DOCK3: variants seen among roughly 807,000 people sequenced by gnomAD.
DOCK3 encodes the protein dedicator of cytokinesis 3.
A neutral mutation model predicts 265.6 loss-of-function variants in DOCK3; 60 were observed. That is an observed-to-expected ratio of 0.23 (90% CI 0.18 to 0.28). The LOEUF (loss-of-function observed/expected upper bound fraction) is 0.28, where lower values mean the gene tolerates loss of function less well. Ranked by LOEUF, DOCK3 falls within the 10% of genes least tolerant of loss-of-function variation. The pLI is 1.00. For synonymous variants in DOCK3, 881 were observed against 938.0 expected (o/e 0.94, Z 1.11); for missense variants, 1,981 against 2,594.3 (o/e 0.76, Z 5.14).
At chr3:51,287,786 A>G (rs1474873761) in intron 27 of DOCK3, among the ~76,000 whole-genome samples, 3 of 152,216 alleles carry the variant, frequency 2.0e-5, no homozygotes, top group Non-Finnish European at 4.4e-5. Flanking sequence ...TGCTGGATAT[A>G]TAACCAAAGG....
In DOCK3 at chr3:51,016,079, CATATATTTCTACATATGATAT is replaced by C. The variant is rs2079199514; in HGVS notation, c.316-48364_316-48344del. Among the ~76,000 whole-genome samples the C allele has an allele frequency of 1.5e-4, 2 of 13,250 alleles. 1 individual carries two copies. The highest frequency in any genetic ancestry group is 5.3e-3 in the East Asian group (2 of 380). 8.7% of individuals were successfully genotyped at this position (13,250 alleles called of 152,430 possible). A position where few individuals can be genotyped will look rare whatever the true frequency, so the allele number is the denominator to read the frequency against. Reference sequence around the variant, plus strand: ...TCATATATTTCTACATAATATATATCATATATTTCTACATATGATATATATCATATATTTCTACATATGATA... The same window carrying C: ...TCATATATTTCTACATAATATATATCATATCATATATTTCTACATATGATA... On this transcript the variant is annotated intron_variant, in intron 5 of 52. Coordinates refer to ENST00000266037, the MANE Select transcript of DOCK3 (RefSeq NM_004947.5).
chr3:51,343,257 C>T (rs2085353790), intron 38 of DOCK3, among the ~76,000 whole-genome samples: 1 of 152,170 alleles, frequency 6.6e-6, no homozygotes, highest in African/African-American at 2.4e-5. Context: ...GCCAGCACAC[C>T]CTGCCTCACA....
intron 1 of DOCK3, among the ~76,000 whole-genome samples, chr3:50,681,427 T>C (rs1480885887): frequency 2.0e-5 from 3 of 152,246 alleles, no homozygotes; most frequent in African/African-American, 2.4e-5. Context: ...GTAAGCATTA[T>C]TGGGTATGCT....
chr3:51,238,650 C>T (rs960681297), intron 21 of DOCK3, among the ~76,000 whole-genome samples: 2 of 152,080 alleles, frequency 1.3e-5, no homozygotes, highest in Non-Finnish European at 2.9e-5. Context: ...TTTTGTTCCC[C>T]TCTATGTGTC....
intron 16 of DOCK3, 47 bp downstream of exon 16, chr3:51,227,492 T>C (rs1196049454): frequency 6.2e-7 from 1 of 1,608,456 alleles, no homozygotes; most frequent in African/African-American, 1.3e-5. Flanking sequence ...AATATAAATA[T>C]AACTCTCTCC....
chr3:50,757,621 A>T (rs2040243327), intron 1 of DOCK3, among the ~76,000 whole-genome samples: 1 of 151,476 alleles, frequency 6.6e-6, no homozygotes, highest in Non-Finnish European at 1.5e-5. Context: ...AAAGTTTTAA[A>T]TTTTGATGAA....
chr3:51,036,530 A>G (rs770386213), intron 5 of DOCK3, among the ~76,000 whole-genome samples: 1 of 152,152 alleles, frequency 6.6e-6, no homozygotes, highest in African/African-American at 2.4e-5. Context: ...TCATGGTCAT[A>G]TATCTAAAAT....
chr3:51,004,708 A>T (rs1216959803), intron 5 of DOCK3, among the ~76,000 whole-genome samples: 6 of 118,792 alleles, frequency 5.1e-5, no homozygotes, highest in African/African-American at 9.1e-5. Flanking sequence ...TTGAGAAGAG[A>T]TTTAAGTTTT....
intron 1 of DOCK3, among the ~76,000 whole-genome samples, chr3:50,717,089 T>A (rs1336265222): frequency 1.3e-5 from 2 of 152,238 alleles, no homozygotes; most frequent in Non-Finnish European, 2.9e-5. Flanking sequence ...GTCCTTATTT[T>A]AAAAATCTGA....
intron 24 of DOCK3, among the ~76,000 whole-genome samples, chr3:51,271,768 T>C (rs1576611778): frequency 6.7e-6 from 1 of 149,552 alleles, no homozygotes; most frequent in East Asian, 2.0e-4. Context: ...GGAGAATTGC[T>C]CGAACCCAGG....
chr3:51,349,934 G>A (rs1463703565), intron 39 of DOCK3, among the ~76,000 whole-genome samples: 2 of 152,176 alleles, frequency 1.3e-5, no homozygotes, highest in Non-Finnish European at 2.9e-5. Flanking sequence ...GTCAAAACCA[G>A]AAATCCCCAG....
chr3:50,682,103 G>C (rs553117490), intron 1 of DOCK3, among the ~76,000 whole-genome samples: 20 of 152,256 alleles, frequency 1.3e-4, no homozygotes, highest in Admixed American at 4.6e-4. Context: ...ATAAACTTTA[G>C]AACTCTAAGA....
intron 5 of DOCK3, among the ~76,000 whole-genome samples, chr3:50,940,289 CAAAAAAA>C (rs34253657): frequency 2.6e-5 from 3 of 117,360 alleles, no homozygotes; most frequent in Admixed American, 1.7e-4. Context: ...CCATTTCTAC[CAAAAAAA>C]AAAAAAAAAA....
intron 13 of DOCK3, among the ~76,000 whole-genome samples, chr3:51,213,684 A>G (rs969894407): frequency 6.6e-6 from 1 of 152,172 alleles, no homozygotes; most frequent in Non-Finnish European, 1.5e-5. Flanking sequence ...AACACAGCAC[A>G]TCTTAGCTTG....
chr3:51,116,571 G>C, intron 9 of DOCK3, among the ~76,000 whole-genome samples: 1 of 151,110 alleles, frequency 6.6e-6, no homozygotes, highest in East Asian at 1.9e-4. Flanking sequence ...CCATTTTCAC[G>C]ATATTGATTC....
At chr3:50,861,006 C>T (rs754071854) in intron 3 of DOCK3, among the ~76,000 whole-genome samples, 8 of 152,168 alleles carry the variant, frequency 5.3e-5, no homozygotes, top group South Asian at 2.1e-4. Context: ...GCTGCTCTGC[C>T]GAGACTCTAC....
At chr3:51,082,692 T>G (rs1444399247) in intron 7 of DOCK3, among the ~76,000 whole-genome samples, 1 of 152,106 alleles carries the variant, frequency 6.6e-6, no homozygotes, top group Non-Finnish European at 1.5e-5. Flanking sequence ...GGCACATAAG[T>G]GCATAGTCCA....
rs1433176400 is a variant in DOCK3 at position 51,382,783 on chromosome 3, C to G, written c.*1224C>G. Reference sequence around the variant, plus strand: ...GGCAGGAGGGTAGTTTCTCCAGTCTCCCCAGTCTGTTGGTGTCTTTATAGG... The same window carrying G: ...GGCAGGAGGGTAGTTTCTCCAGTCTGCCCAGTCTGTTGGTGTCTTTATAGG... On this transcript the variant is annotated 3_prime_UTR_variant, in exon 53 of 53. Coordinates refer to ENST00000266037, the MANE Select transcript of DOCK3 (RefSeq NM_004947.5). The G allele has an allele frequency of 1.3e-5, 2 of 152,422 alleles. No homozygotes were observed. Among genetic ancestry groups the G allele is most frequent in the Non-Finnish European group, 2.9e-5 (2 of 68,056 alleles). 9.4% of individuals were successfully genotyped at this position (152,422 alleles called of 1,614,324 possible). A position where few individuals can be genotyped will look rare whatever the true frequency, so the allele number is the denominator to read the frequency against.
Position 51,374,542 on chromosome 3 carries a change from C to T in DOCK3, c.5367C>T (p.Arg1789=). ...MMLLLPTYRD[R]PSSAMYPAAI... ...TGTTGCTGCCCACATACCGGGACCGCCCAAGCAGTGCCATGTATCCAGCAG... is the reference window on the plus strand; with the variant it reads ...TGTTGCTGCCCACATACCGGGACCGTCCAAGCAGTGCCATGTATCCAGCAG... The change falls in exon 50 of 53, where the codon CGC becomes CGT. Residue 1789 remains arginine, a synonymous_variant. Transcript: ENST00000266037. The surrounding 1 kb of genome is among the most constrained non-coding windows in gnomAD (Gnocchi z 4.8). 1 of 1,613,840 alleles carries T rather than the reference C, an allele frequency of 6.2e-7. No individual in the cohort carries two copies. Among genetic ancestry groups the T allele is most frequent in the Non-Finnish European group, 8.5e-7 (1 of 1,179,850 alleles).
Sources: allele counts gnomAD v4.1 joint callset (sites outside exome capture counted in the v4.1 genomes callset), GRCh38; gene constraint gnomAD v4.1.1; non-coding constraint Gnocchi (gnomAD v3.1); transcripts MANE v1.5; gene names NCBI Gene and HGNC (gene_info 2026-07-23, HGNC 2026-07-21).